EFCAB3: variants seen among roughly 807,000 people sequenced by gnomAD.
The protein encoded by EFCAB3 is EF-hand calcium-binding domain-containing protein 3.
Under a neutral mutation model 42.2 loss-of-function variants are expected in EFCAB3, and 36 were observed. That is an observed-to-expected ratio of 0.85 (90% CI 0.65 to 1.13). The LOEUF is 1.13. EFCAB3 is among the 50% of genes most tolerant of loss of function. EFCAB3 has a pLI of 0.00. For synonymous variants in EFCAB3, 170 were observed against 172.8 expected (o/e 0.98, Z 0.13); for missense variants, 418 against 505.1 (o/e 0.83, Z 1.65).
At chr17:62,381,997 A>G (rs1598006562) in intron 1 of EFCAB3, 1 of 252,172 alleles carries the variant, frequency 4.0e-6, no homozygotes, top group East Asian at 1.1e-4. Flanking sequence ...ATGACATGGG[A>G]TTTGGTCTCT....
Position 62,392,021 on chromosome 17 carries a change from G to A in EFCAB3, c.295+56G>A. ...CATAAAAGATTTTTGTGAATATATA[G>A]TTTTCTTTTAATGACTGTATAAACA... On this transcript the variant is annotated intron_variant, in intron 4 of 9. Coordinates refer to ENST00000305286, the MANE Select transcript of EFCAB3 (RefSeq NM_173503.4). 3.3e-6 allele frequency: 5 copies of A among 1,529,958 alleles called. No individual in the cohort carries two copies. The South Asian group carries it at 6.7e-5, about 20-fold the overall frequency. The allele number at this position is 1,529,958 out of a possible 1,614,324, so 94.8% of individuals were successfully genotyped here.
chr17:62,398,806 C>T (rs1334862606), intron 6 of EFCAB3, among the ~76,000 whole-genome samples: 1 of 151,972 alleles, frequency 6.6e-6, no homozygotes, highest in Admixed American at 6.6e-5. Context: ...ATTCAACGTA[C>T]GTTAAATAAA....
At chr17:62,405,336 A>G (rs1333915357) in intron 6 of EFCAB3, among the ~76,000 whole-genome samples, 2 of 152,238 alleles carry the variant, frequency 1.3e-5, no homozygotes, top group South Asian at 2.1e-4. Context: ...TTCAGCCCCA[A>G]CATTTAGAAT....
intron 5 of EFCAB3, among the ~76,000 whole-genome samples, chr17:62,394,421 T>G (rs1016350367): frequency 2.6e-5 from 4 of 152,236 alleles, no homozygotes; most frequent in African/African-American, 9.6e-5. Flanking sequence ...TGATGAAGAC[T>G]CTACCCTCAG....
chr17:62,372,324 G>A (rs1037218979), intron 1 of EFCAB3, among the ~76,000 whole-genome samples: 4 of 152,084 alleles, frequency 2.6e-5, no homozygotes, highest in Admixed American at 2.6e-4. Context: ...AGGCTGGAGT[G>A]CAGTGGCATG....
intron 2 of EFCAB3, among the ~76,000 whole-genome samples, chr17:62,387,083 T>C (rs2070258523): frequency 6.6e-6 from 1 of 152,198 alleles, no homozygotes; most frequent in African/African-American, 2.4e-5. Flanking sequence ...TGAGCCACCA[T>C]GGCTGGCCTG....
rs73329488 is a variant in EFCAB3, at chr17:62,390,663, T to C, written c.152-1159T>C. Among the ~76,000 whole-genome samples the C allele has an allele frequency of 5.6e-3, 854 of 152,266 alleles. 5 individuals are homozygous for C. Among genetic ancestry groups the C allele is most frequent in the African/African-American group, 0.019 (809 of 41,550 alleles). On this transcript the variant is annotated intron_variant, in intron 3 of 9. Transcript: ENST00000305286. ...TGACTGCCTACTAACATGCAAGAGA[T>C]AGTGGGAAAAACAGAAACAAGTCAG...
At chr17:62,406,908 G>A (rs2070452875) in intron 7 of EFCAB3, 120 bp from the exon 8 acceptor site, 2 of 974,924 alleles carry the variant, frequency 2.1e-6, no homozygotes, top group Non-Finnish European at 3.0e-6. Flanking sequence ...GGAGAGTGAA[G>A]AATGAGGGCC....
chr17:62,407,707 C>G (rs892126542), intron 8 of EFCAB3, among the ~76,000 whole-genome samples: 1 of 152,148 alleles, frequency 6.6e-6, no homozygotes, highest in Non-Finnish European at 1.5e-5. Context: ...CTTTTTGCCC[C>G]CCCTCCCAGG....
chr17:62,398,548 C>T (rs182557914), intron 6 of EFCAB3, among the ~76,000 whole-genome samples: 3 of 149,944 alleles, frequency 2.0e-5, no homozygotes, highest in African/African-American at 4.9e-5. Flanking sequence ...ACAGGCCTGT[C>T]GTCTCAGCTA....
In EFCAB3 at chr17:62,385,073, G is replaced by A. The variant is rs370252494; in HGVS notation, c.74+2020G>A. On this transcript the variant is annotated intron_variant, in intron 2 of 9. Coordinates refer to ENST00000305286, the MANE Select transcript of EFCAB3 (RefSeq NM_173503.4). ...CAACTTATGATGGGTTTATAAGGAG[G>A]TAACCCCATCATGAATCAAGGAACA... 2.4e-4 allele frequency among the ~76,000 whole-genome samples: 36 copies of A among 152,176 alleles called. No homozygotes were observed. The East Asian group carries it at 5.0e-3, about 21-fold the overall frequency.
chr17:62,403,830 T>C (rs1195816184), intron 6 of EFCAB3, among the ~76,000 whole-genome samples: 1 of 152,148 alleles, frequency 6.6e-6, no homozygotes, highest in Non-Finnish European at 1.5e-5. Context: ...TGTATTTTTT[T>C]GTAAAGACAG....
intron 9 of EFCAB3, among the ~76,000 whole-genome samples, chr17:62,414,747 C>T (rs962521450): frequency 2.6e-5 from 4 of 152,124 alleles, no homozygotes; most frequent in Admixed American, 6.6e-5. Context: ...ATCCTTAACT[C>T]GGGTTTTTTC....
chr17:62,371,747 G>A (rs7222472), intron 1 of EFCAB3, among the ~76,000 whole-genome samples: 120,006 of 152,022 alleles, frequency 0.79, 49,159 homozygotes, highest in Non-Finnish European at 0.89. Flanking sequence ...GGGGGAATTT[G>A]GGGTTGTTTG....
chr17:62,382,995 A>T lies in EFCAB3; in HGVS notation c.16A>T (p.Ile6Phe), dbSNP rs1297729444. Residue 6 changes from isoleucine (I) to phenylalanine (F), a missense_variant, in exon 2 of 10, where the codon ATT (isoleucine) becomes TTT (phenylalanine). Coordinates refer to ENST00000305286, the MANE Select transcript of EFCAB3 (RefSeq NM_173503.4). MAVSE[I>F]KPKLKLNPLT... ...CACTGGCCACATGGCAGTTTCAGAA[A>T]TTAAACCAAAACTTAAGCTGAATCC... is the stretch of plus-strand genomic sequence containing the variant. 5 of 1,613,672 alleles carry T rather than the reference A, an allele frequency of 3.1e-6. No individual in the cohort carries two copies. Among genetic ancestry groups the T allele is most frequent in the Non-Finnish European group, 4.2e-6 (5 of 1,179,960 alleles).
intron 7 of EFCAB3, 93 bp downstream of exon 7, chr17:62,406,766 A>T: frequency 3.7e-6 from 5 of 1,358,300 alleles, no homozygotes; most frequent in Non-Finnish European, 5.1e-6. Context: ...TGGCATAAGA[A>T]CAGGACTGCA....
chr17:62,397,788 G>A (rs1420496973), intron 6 of EFCAB3: 6 of 355,944 alleles, frequency 1.7e-5, no homozygotes, highest in Non-Finnish European at 3.2e-5. Context: ...ACTTTGGGAG[G>A]CCAAGGCAGG....
At chr17:62,400,967 A>T (rs544808829) in intron 6 of EFCAB3, among the ~76,000 whole-genome samples, 62 of 152,222 alleles carry the variant, frequency 4.1e-4, no homozygotes, top group African/African-American at 1.4e-3. Context: ...ATGACTTTTT[A>T]ATGATTGCCA....
At chr17:62,389,992 T>C (rs1382147545) in intron 3 of EFCAB3, among the ~76,000 whole-genome samples, 1 of 152,066 alleles carries the variant, frequency 6.6e-6, no homozygotes, top group Non-Finnish European at 1.5e-5. Flanking sequence ...TTCACCATGT[T>C]AGCCAGGATG....
Sources: gnomAD v4.1 joint callset for allele counts (sites outside exome capture counted in the v4.1 genomes callset) on GRCh38, gnomAD v4.1.1 for gene constraint, MANE v1.5 for transcripts, NCBI Gene and HGNC (gene_info 2026-07-23, HGNC 2026-07-21) for gene names.